The following RELN variants were observed in gnomAD, a reference collection of about 807,000 sequenced individuals.
The protein encoded by RELN is reelin.
RELN carries 108 observed loss-of-function variants against 427.6 expected under a neutral mutation model. The observed-to-expected ratio is 0.25, with a 90% CI of 0.22 to 0.30. The LOEUF is 0.30. Ranked by LOEUF, RELN falls within the 10% of genes least tolerant of loss-of-function variation. The pLI is 1.00. For synonymous variants in RELN, 1,524 were observed against 1,513.4 expected (o/e 1.01, Z -0.16); for missense variants, 3,715 against 4,302.8 (o/e 0.86, Z 3.82).
In RELN at chr7:103,640,467, T is replaced by A; in HGVS notation, c.2069+76A>T. Reference sequence around the variant, plus strand: ...AGATCCCCGATCCTAAAAAAGGTTATTAAATGACTTGCGACTTCAACACAT... The same window carrying A: ...AGATCCCCGATCCTAAAAAAGGTTAATAAATGACTTGCGACTTCAACACAT... On this transcript the variant is annotated intron_variant, in intron 17 of 64. Transcript: ENST00000428762. The surrounding 1 kb of genome is among the most constrained non-coding windows in gnomAD (Gnocchi z 4.1). 6.9e-7 allele frequency: 1 copy of A among 1,447,142 alleles called. No individual in the cohort carries two copies. 89.6% of individuals were successfully genotyped at this position (1,447,142 alleles called of 1,614,324 possible).
rs778268821 is a variant in RELN at position 103,553,697 on chromosome 7, T to C, written c.5932A>G (p.Ile1978Val). 10 of 1,614,074 alleles carry C rather than the reference T, an allele frequency of 6.2e-6. No individual in the cohort carries two copies. Among genetic ancestry groups the C allele is most frequent in the East Asian group, 2.2e-5 (1 of 44,882 alleles). Residue 1978 changes from isoleucine to valine, a missense_variant, in exon 39 of 65, where the codon ATC becomes GTC. By Grantham distance (29) the Ile-to-Val change is conservative. Around this residue, in one of 4 missense-constraint regions of RELN, gnomAD observed 1,310 missense variants for 1,643.0 expected, o/e 0.80. Coordinates refer to ENST00000428762, the MANE Select transcript of RELN (RefSeq NM_005045.4). Reference protein sequence around the residue: ...DNWFFYPGGNIGLYCPYSSKG... With the variant: ...DNWFFYPGGNVGLYCPYSSKG... ...GAAGAATATGGACAATAAAGACCGA[T>C]GTTACCACCAGGATAGAAAAACCAA...
chr7:103,898,634 A>AAGATGTAACAGACAG lies in RELN; in HGVS notation c.337+18440_337+18441insCTGTCTGTTACATCT, dbSNP rs372955430. 3.7e-3 allele frequency among the ~76,000 whole-genome samples: 558 copies of AAGATGTAACAGACAG among 152,188 alleles called. 5 individuals carry two copies. The highest frequency in any genetic ancestry group is 0.013 in the African/African-American group (529 of 41,560). ...TTTTAAACATCTTTGCCAAAGTTAA[A>AAGATGTAACAGACAG]TAAGGGTGTCTCATACTGTTGTAAT... On this transcript the variant is annotated intron_variant, in intron 2 of 64. Transcript: ENST00000428762.
At chr7:103,657,476 G>A (rs1833046193) in intron 12 of RELN, among the ~76,000 whole-genome samples, 2 of 152,138 alleles carry the variant, frequency 1.3e-5, no homozygotes, top group Admixed American at 6.6e-5. Flanking sequence ...ATCACAGGCA[G>A]TGTGGGTTTA....
At chr7:103,725,246 A>C (rs1004179313) in intron 7 of RELN, among the ~76,000 whole-genome samples, 3 of 152,176 alleles carry the variant, frequency 2.0e-5, no homozygotes, top group African/African-American at 7.2e-5. Context: ...GCATTTTCAA[A>C]TATGTGAGAA....
intron 45 of RELN, among the ~76,000 whole-genome samples, chr7:103,537,754 G>T (rs1306344129): frequency 6.6e-6 from 1 of 152,144 alleles, no homozygotes; most frequent in African/African-American, 2.4e-5. Context: ...GTTGAGGCTG[G>T]TCTGCTCTCA....
At chr7:103,770,465 T>G (rs1791539350) in intron 4 of RELN, among the ~76,000 whole-genome samples, 1 of 152,144 alleles carries the variant, frequency 6.6e-6, no homozygotes, top group Admixed American at 6.5e-5. Context: ...GTTTGCCTTC[T>G]CCCACACTGC....
At position 103,824,242 on chromosome 7, in the gene RELN, T is replaced by A. The variant is rs1793076945; in HGVS notation, c.473+9295A>T. ...TTATTCTCTCCTTCTAAAACTTCAA[T>A]TAGATGTTAATTTCTTCACTTGGAG... On this transcript the variant is annotated intron_variant, in intron 3 of 64. Coordinates refer to ENST00000428762, the MANE Select transcript of RELN (RefSeq NM_005045.4). The surrounding 1 kb of genome is among the most constrained non-coding windows in gnomAD (Gnocchi z 4.4). Among the ~76,000 whole-genome samples the A allele has an allele frequency of 6.6e-6, 1 of 152,106 alleles. No individual in the cohort carries two copies. The highest frequency in any genetic ancestry group is 2.4e-5 in the African/African-American group (1 of 41,436).
Position 103,491,950 on chromosome 7 carries a change from A to C in RELN, c.9443+3T>G, listed in dbSNP as rs775164291. The C allele has an allele frequency of 3.7e-6, 6 of 1,610,434 alleles. No individual in the cohort carries two copies. In the East Asian group the frequency reaches 1.1e-4, roughly 30 times the overall value. Reference sequence around the variant, plus strand: ...AGATAATGTTAAAAATTATTTCACAAACCTTGCATCCTTAGTGTATTCCAG... The same window carrying C: ...AGATAATGTTAAAAATTATTTCACACACCTTGCATCCTTAGTGTATTCCAG... On this transcript the variant is annotated splice_donor_region_variant and intron_variant, in intron 58 of 64. Coordinates refer to ENST00000428762, the MANE Select transcript of RELN (RefSeq NM_005045.4).
intron 6 of RELN, among the ~76,000 whole-genome samples, chr7:103,749,075 C>G (rs1246322179): frequency 1.3e-5 from 2 of 151,986 alleles, no homozygotes; most frequent in African/African-American, 4.8e-5. Context: ...GGAAGTATGA[C>G]TCAAATCATT....
intron 1 of RELN, among the ~76,000 whole-genome samples, chr7:103,944,069 A>G (rs10236577): frequency 1.3e-5 from 2 of 152,056 alleles, no homozygotes; most frequent in African/African-American, 4.8e-5. Flanking sequence ...TGGAACTCCT[A>G]GATGAACCTA....
rs756524064 is a variant in RELN, at chr7:103,629,989, A to G, written c.2653T>C (p.Phe885Leu). Reference protein sequence around the residue: ...NLVEVTQSLGFYLGNVQPYCG... With the variant: ...NLVEVTQSLGLYLGNVQPYCG... ...TATGGCTGAACATTTCCAAGGTAGAATCCCAGAGACTGAGTGACCTCCACA... is the reference window on the plus strand; with the variant it reads ...TATGGCTGAACATTTCCAAGGTAGAGTCCCAGAGACTGAGTGACCTCCACA... The change falls in exon 20 of 65, where the codon TTC becomes CTC. Residue 885 changes from phenylalanine (F) to leucine (L), a missense_variant. Phe to Leu is a conservative substitution (Grantham distance 22). Around this residue, in one of 4 missense-constraint regions of RELN, gnomAD observed 2,208 missense variants for 2,361.7 expected, o/e 0.93. Coordinates refer to ENST00000428762, the MANE Select transcript of RELN (RefSeq NM_005045.4). The G allele has an allele frequency of 6.2e-7, 1 of 1,613,926 alleles. No homozygotes were observed. Among genetic ancestry groups the G allele is most frequent in the East Asian group, 2.2e-5 (1 of 44,842 alleles).
chr7:103,796,451 G>A (rs1792300190), intron 3 of RELN, among the ~76,000 whole-genome samples: 1 of 152,126 alleles, frequency 6.6e-6, no homozygotes. Flanking sequence ...TTTGGATTTT[G>A]TCTTTCAGTA....
intron 2 of RELN, among the ~76,000 whole-genome samples, chr7:103,910,927 C>T (rs1420543953): frequency 3.2e-4 from 44 of 139,548 alleles, no homozygotes; most frequent in Admixed American, 5.8e-4. Flanking sequence ...CATTACTATT[C>T]AGGACATAGG....
chr7:103,547,934 A>G (rs960264118), intron 41 of RELN, among the ~76,000 whole-genome samples: 5 of 152,212 alleles, frequency 3.3e-5, no homozygotes, highest in Non-Finnish European at 5.9e-5. Context: ...CTGAAATCTT[A>G]TTTTGAAAAT....
chr7:103,836,229 GGT>G (rs1793404786), intron 2 of RELN, among the ~76,000 whole-genome samples: 2 of 152,240 alleles, frequency 1.3e-5, no homozygotes, highest in South Asian at 4.2e-4. Flanking sequence ...CAAAATGCCA[GGT>G]TTACAGGCGT....
intron 62 of RELN, among the ~76,000 whole-genome samples, chr7:103,483,187 C>CCTTTCCCTTGTTCCATTAA (rs1297937276): frequency 6.6e-6 from 1 of 152,214 alleles, no homozygotes; most frequent in East Asian, 1.9e-4. Flanking sequence ...CTCTCTTCCT[C>CCTTTCCCTTGTTCCATTAA]CTTTCCCTTG....
chr7:103,786,046 C>T (rs895105495), intron 3 of RELN, among the ~76,000 whole-genome samples: 8 of 151,554 alleles, frequency 5.3e-5, no homozygotes, highest in Non-Finnish European at 1.2e-4. Flanking sequence ...ATGGTGTTTT[C>T]CTGCAAAGAA....
intron 5 of RELN, among the ~76,000 whole-genome samples, chr7:103,750,356 T>C (rs1490927953): frequency 6.6e-6 from 1 of 152,184 alleles, no homozygotes; most frequent in Non-Finnish European, 1.5e-5. Flanking sequence ...GAAGGACGTG[T>C]TTGCTTCCCC....
At chr7:103,751,710 A>G (rs60458657) in intron 5 of RELN, among the ~76,000 whole-genome samples, 326 of 152,352 alleles carry the variant, frequency 2.1e-3, no homozygotes, top group African/African-American at 7.5e-3. Flanking sequence ...CATGCTTCTA[A>G]GCGCTTGCAT....
Sources: gnomAD v4.1 joint callset for allele counts (sites outside exome capture counted in the v4.1 genomes callset) on GRCh38, gnomAD v4.1.1 for gene constraint, gnomAD v4.1.1 regional missense constraint, Gnocchi (gnomAD v3.1) non-coding constraint, MANE v1.5 for transcripts, NCBI Gene and HGNC (gene_info 2026-07-23, HGNC 2026-07-21) for gene names.